CDH8: variants seen among roughly 807,000 people sequenced by gnomAD.
CDH8 encodes the protein cadherin-8.
In CDH8, 17 loss-of-function variants were observed where a neutral mutation model predicts 68.1. The observed-to-expected ratio is 0.25, with a 90% CI of 0.17 to 0.37. The LOEUF (loss-of-function observed/expected upper bound fraction) is 0.37. CDH8 is among the 10% of genes least tolerant of loss of function. The pLI, the probability that CDH8 is intolerant of heterozygous loss-of-function variation, is 1.00. For synonymous variants in CDH8, 372 were observed against 365.1 expected (o/e 1.02, Z -0.21); for missense variants, 763 against 999.3 (o/e 0.76, Z 3.19).
chr16:61,739,946 T>C (rs1379139469), intron 8 of CDH8, among the ~76,000 whole-genome samples: 1 of 141,952 alleles, frequency 7.0e-6, no homozygotes, highest in Non-Finnish European at 1.5e-5. Context: ...TCTTGCTCTG[T>C]CACCAGGCTG....
chr16:61,726,892 G>A, intron 9 of CDH8: 1 of 556,384 alleles, frequency 1.8e-6, no homozygotes, highest in Non-Finnish European at 3.1e-6. Context: ...TTCCACTTTA[G>A]GAGCCAATTT....
chr16:61,902,881 T>C (rs376913287), intron 2 of CDH8, among the ~76,000 whole-genome samples: 2 of 152,228 alleles, frequency 1.3e-5, no homozygotes, highest in South Asian at 4.1e-4. Context: ...TTGTATAAAA[T>C]GTATTAACAT....
intron 2 of CDH8, among the ~76,000 whole-genome samples, chr16:61,955,530 T>G (rs191679028): frequency 3.3e-4 from 51 of 152,324 alleles, no homozygotes; most frequent in African/African-American, 1.2e-3. Flanking sequence ...TCAATTAAAT[T>G]CTGTTAAATT....
chr16:61,820,826 G>T, intron 6 of CDH8, 100 bp downstream of exon 6: 2 of 933,296 alleles, frequency 2.1e-6, no homozygotes, highest in Non-Finnish European at 3.3e-6. Context: ...ACACCTACCA[G>T]CTGTGCAATT....
Position 61,655,534 on chromosome 16 carries a change from G to A in CDH8, c.1842C>T (p.Val614=), listed in dbSNP as rs772027090. ...VVQSCNVEAY[V]LPIGLSMGAL... The stretch of plus-strand genomic sequence containing the variant: ...CGCCCATACTGAGTCCAATTGGAAG[G>A]ACATAAGCTTCGACATTGCAAGACT... The change falls in exon 11 of 12, where the codon GTC becomes GTT. Residue 614 remains valine (V), a synonymous_variant. Coordinates refer to ENST00000577390, the MANE Select transcript of CDH8 (RefSeq NM_001796.5). The A allele has an allele frequency of 2.5e-6, 4 of 1,614,072 alleles. No individual in the cohort carries two copies. The Admixed American group carries it at 6.7e-5, about 27-fold the overall frequency.
intron 7 of CDH8, among the ~76,000 whole-genome samples, chr16:61,796,446 C>T (rs1961503298): frequency 6.6e-6 from 1 of 151,966 alleles, no homozygotes; most frequent in African/African-American, 2.4e-5. Flanking sequence ...GAAGAAACTT[C>T]TCATTAACAC....
At chr16:61,773,564 C>T (rs1960833514) in intron 8 of CDH8, among the ~76,000 whole-genome samples, 1 of 151,870 alleles carries the variant, frequency 6.6e-6, no homozygotes, top group Non-Finnish European at 1.5e-5. Flanking sequence ...TGAGTTTTGG[C>T]TTTGTGGGCC....
intron 9 of CDH8, among the ~76,000 whole-genome samples, chr16:61,716,237 G>T (rs1488947962): frequency 6.6e-6 from 1 of 151,550 alleles, no homozygotes; most frequent in Admixed American, 6.6e-5. Context: ...TAATCTGCGT[G>T]AAAATGGCTC....
chr16:61,782,021 T>C (rs1961071392), intron 8 of CDH8, among the ~76,000 whole-genome samples: 1 of 152,174 alleles, frequency 6.6e-6, no homozygotes, highest in African/African-American at 2.4e-5. Context: ...AAACTACATA[T>C]CAACTTGACT....
chr16:61,689,671 T>C (rs955835135), intron 10 of CDH8, among the ~76,000 whole-genome samples: 23 of 152,080 alleles, frequency 1.5e-4, no homozygotes, highest in African/African-American at 5.6e-4. Context: ...TAAGCCAAGA[T>C]GCAATACTTA....
intron 8 of CDH8, among the ~76,000 whole-genome samples, chr16:61,767,291 C>A (rs1309977708): frequency 6.6e-6 from 1 of 151,868 alleles, no homozygotes; most frequent in Admixed American, 6.6e-5. Context: ...TCCGTGCTTG[C>A]AAAATGAATA....
intron 8 of CDH8, among the ~76,000 whole-genome samples, chr16:61,751,688 G>C (rs568559082): frequency 1.1e-3 from 166 of 152,136 alleles, no homozygotes; most frequent in Non-Finnish European, 1.8e-3. Context: ...TTTTTCAACT[G>C]CTTTTGGTGT....
Position 61,922,744 on chromosome 16 carries a change from A to C in CDH8, c.253-21271T>G, listed in dbSNP as rs575277303. 7.2e-5 allele frequency among the ~76,000 whole-genome samples: 11 copies of C among 152,348 alleles called. 1 individual carries two copies. The highest frequency in any genetic ancestry group is 2.6e-4 in the African/African-American group (11 of 41,586). ...CCAGGTTTTTGATCCAGAAGCTGTC[A>C]AATGTAGATTCATTCACATGGAAAA... On this transcript the variant is annotated intron_variant, in intron 2 of 11. Coordinates refer to ENST00000577390, the MANE Select transcript of CDH8 (RefSeq NM_001796.5).
chr16:61,745,602 T>TC (rs1264026362), intron 8 of CDH8, among the ~76,000 whole-genome samples: 4 of 151,322 alleles, frequency 2.6e-5, no homozygotes, highest in African/African-American at 9.7e-5. Context: ...TTTCTTTTTT[T>TC]TTTTTTCTAT....
Position 61,882,218 on chromosome 16 carries a change from G to A in CDH8, c.547+18961C>T, listed in dbSNP as rs563653416. Among the ~76,000 whole-genome samples the A allele has an allele frequency of 1.4e-4, 21 of 152,236 alleles. 1 individual carries two copies. The South Asian group carries it at 4.4e-3, about 32-fold the overall frequency. On this transcript the variant is annotated intron_variant, in intron 3 of 11. Coordinates refer to ENST00000577390, the MANE Select transcript of CDH8 (RefSeq NM_001796.5). ...ATCTTGAAATAGCTTCTGATCAAAT[G>A]TGTTTTACTCGATGGATATAATGTA...
At chr16:61,987,849 A>G (rs780801521) in intron 2 of CDH8, among the ~76,000 whole-genome samples, 1 of 152,084 alleles carries the variant, frequency 6.6e-6, no homozygotes, top group African/African-American at 2.4e-5. Flanking sequence ...TGCTAACTGC[A>G]TTTCAGGCAC....
intron 4 of CDH8, among the ~76,000 whole-genome samples, chr16:61,825,893 C>A (rs1182922627): frequency 6.6e-6 from 1 of 151,798 alleles, no homozygotes; most frequent in Non-Finnish European, 1.5e-5. Flanking sequence ...AATGTTTTTT[C>A]TTCTGATATA....
chr16:61,928,341 T>C (rs1317629930), intron 2 of CDH8, among the ~76,000 whole-genome samples: 1 of 152,210 alleles, frequency 6.6e-6, no homozygotes, highest in Non-Finnish European at 1.5e-5. Flanking sequence ...GGAATTCTAT[T>C]ACATAATGTT....
At chr16:61,721,202 T>G (rs1351299951) in intron 9 of CDH8, among the ~76,000 whole-genome samples, 1 of 150,910 alleles carries the variant, frequency 6.6e-6, no homozygotes, top group East Asian at 1.9e-4. Flanking sequence ...TGTGTTTTGC[T>G]ACATGTGGTT....
Sources: gnomAD v4.1 joint callset for allele counts (sites outside exome capture counted in the v4.1 genomes callset) on GRCh38, gnomAD v4.1.1 for gene constraint, MANE v1.5 for transcripts, NCBI Gene and HGNC (gene_info 2026-07-23, HGNC 2026-07-21) for gene names.